BMPR1B: variants seen among roughly 807,000 people sequenced by gnomAD.
BMPR1B encodes bone morphogenetic protein receptor type-1B.
Under a neutral mutation model 59.1 loss-of-function variants are expected in BMPR1B, and 12 were observed. The ratio of observed to expected loss-of-function variants is 0.20; its 90% CI spans 0.13 to 0.33. BMPR1B has a LOEUF of 0.33. BMPR1B is among the 10% of genes least tolerant of loss of function. The pLI is 1.00. For synonymous variants in BMPR1B, 237 were observed against 207.3 expected, an observed-to-expected ratio of 1.14 and a Z score of -1.23; for missense variants, 550 against 610.9, an observed-to-expected ratio of 0.90 and a Z score of 1.05.
In BMPR1B at chr4:95,115,762, T is replaced by C; in HGVS notation, c.324T>C (p.Pro108=). 2 of 1,613,038 alleles carry C rather than the reference T, an allele frequency of 1.2e-6. No individual in the cohort carries two copies. Among genetic ancestry groups the C allele is most frequent in the Non-Finnish European group, 1.7e-6 (2 of 1,179,220 alleles). The stretch of plus-strand genomic sequence containing the variant: ...ACGAATGTAATAAAGACCTACACCC[T>C]ACACTGCCTCCATTGAAAAACAGAG... ...ERNECNKDLH[P]TLPPLKNRDF... Residue 108 remains proline (P), a synonymous_variant, in exon 6 of 13, where the codon CCT becomes CCC. Coordinates refer to ENST00000515059, the MANE Select transcript of BMPR1B (RefSeq NM_001203.3).
intron 6 of BMPR1B, among the ~76,000 whole-genome samples, chr4:95,121,830 T>C (rs1025554236): frequency 5.3e-5 from 8 of 152,198 alleles, no homozygotes; most frequent in Admixed American, 5.2e-4. Context: ...ATGAAAAGAC[T>C]TAAAATATAT....
chr4:95,067,236 G>A (rs1727881935), intron 3 of BMPR1B, among the ~76,000 whole-genome samples: 1 of 152,164 alleles, frequency 6.6e-6, no homozygotes, highest in Non-Finnish European at 1.5e-5. Flanking sequence ...CTTAAGTCCT[G>A]AAGGTATAAT....
At chr4:95,121,709 AT>A (rs895524353) in intron 6 of BMPR1B, among the ~76,000 whole-genome samples, 16 of 147,654 alleles carry the variant, frequency 1.1e-4, no homozygotes, top group Admixed American at 4.0e-4. Flanking sequence ...CTTTTTTCTT[AT>A]TTTTTTTCTG....
At chr4:95,097,856 CT>C (rs370443877) in intron 3 of BMPR1B, among the ~76,000 whole-genome samples, 1 of 152,042 alleles carries the variant, frequency 6.6e-6, no homozygotes, top group East Asian at 1.9e-4. Context: ...TGGTGAAAAA[CT>C]TTTTTGTAGA....
Position 95,057,350 on chromosome 4 carries a change from T to A in BMPR1B, c.-17-47058T>A, listed in dbSNP as rs1047769546. On this transcript the variant is annotated intron_variant, in intron 3 of 12. Coordinates refer to ENST00000515059, the MANE Select transcript of BMPR1B (RefSeq NM_001203.3). ...ACCTCCGCCTCCCGAGTTCAAGTGA[T>A]TCTCCTGCCTCAGCCTCCCGAGTCG... 3.3e-5 allele frequency among the ~76,000 whole-genome samples: 5 copies of A among 152,178 alleles called. No individual in the cohort carries two copies. In the East Asian group the frequency reaches 9.7e-4, roughly 30 times the overall value.
At chr4:94,890,530 A>G (rs879461771) in intron 2 of BMPR1B, among the ~76,000 whole-genome samples, 4 of 152,142 alleles carry the variant, frequency 2.6e-5, no homozygotes, top group Non-Finnish European at 5.9e-5. Context: ...TAAAAGTATA[A>G]AAGTCAATCA....
At chr4:95,068,426 T>G (rs1307387783) in intron 3 of BMPR1B, among the ~76,000 whole-genome samples, 7 of 152,158 alleles carry the variant, frequency 4.6e-5, no homozygotes, top group Non-Finnish European at 1.0e-4. Flanking sequence ...CTGTCAGGGC[T>G]ACAGCCACCA....
intron 2 of BMPR1B, among the ~76,000 whole-genome samples, chr4:94,975,368 T>G (rs1730987208): frequency 7.5e-6 from 1 of 132,864 alleles, no homozygotes; most frequent in Admixed American, 7.2e-5. Context: ...TTTTTGTTTT[T>G]TTTTTTTTTT....
chr4:95,087,207 T>C (rs1284106376), intron 3 of BMPR1B, among the ~76,000 whole-genome samples: 2 of 152,100 alleles, frequency 1.3e-5, no homozygotes, highest in Non-Finnish European at 2.9e-5. Flanking sequence ...TTTGTATTTT[T>C]AGTGGAGACA....
At position 94,948,589 on chromosome 4, in the gene BMPR1B, T is replaced by C. The variant is rs117092615; in HGVS notation, c.-112-47451T>C. Among the ~76,000 whole-genome samples the C allele has an allele frequency of 9.8e-3, 1,492 of 152,256 alleles. 47 individuals are homozygous for C. The highest frequency in any genetic ancestry group is 0.06 in the Admixed American group (925 of 15,294). ...AACATAAAGGATGCGGCATTGTAGC[T>C]CCTGTTTTTGAGGAGGTCAGGTCCT... On this transcript the variant is annotated intron_variant, in intron 2 of 12. Transcript: ENST00000515059.
chr4:94,844,274 T>C (rs1290028561), intron 1 of BMPR1B, among the ~76,000 whole-genome samples: 2 of 24,758 alleles, frequency 8.1e-5, no homozygotes, highest in Non-Finnish European at 7.9e-5. Flanking sequence ...CTAGTTCGAC[T>C]CTTCTTCCTC....
chr4:94,877,922 TTTATATTTCCTGTGTTTGTGTGCATGC>T (rs1726792781), intron 2 of BMPR1B, among the ~76,000 whole-genome samples: 1 of 152,130 alleles, frequency 6.6e-6, no homozygotes, highest in Non-Finnish European at 1.5e-5. Flanking sequence ...TATCAGCACT[TTTATATTTCCTGTGTTTGTGTGCATGC>T]ACATGTGTGC....
chr4:95,098,953 T>G (rs1730629005), intron 3 of BMPR1B, among the ~76,000 whole-genome samples: 1 of 152,124 alleles, frequency 6.6e-6, no homozygotes, highest in Non-Finnish European at 1.5e-5. Flanking sequence ...CCTGACCTCG[T>G]GATCTGCCTG....
chr4:95,082,898 T>C (rs1288014883), intron 3 of BMPR1B, among the ~76,000 whole-genome samples: 5 of 150,482 alleles, frequency 3.3e-5, no homozygotes, highest in Admixed American at 6.6e-5. Context: ...ATTAGCCGGG[T>C]GTGGTGGCGG....
chr4:94,811,366 G>A (rs1469470494), intron 1 of BMPR1B, among the ~76,000 whole-genome samples: 1 of 152,100 alleles, frequency 6.6e-6, no homozygotes, highest in Non-Finnish European at 1.5e-5. Context: ...GGCTCTCATG[G>A]GCCAGGCCTG....
chr4:94,892,616 T>C (rs1445549820), intron 2 of BMPR1B, among the ~76,000 whole-genome samples: 3 of 152,046 alleles, frequency 2.0e-5, no homozygotes, highest in Non-Finnish European at 4.4e-5. Flanking sequence ...AGTAATTCTA[T>C]TGGTATGGAG....
chr4:95,072,217 A>G (rs928938369), intron 3 of BMPR1B, among the ~76,000 whole-genome samples: 7 of 152,184 alleles, frequency 4.6e-5, no homozygotes, highest in African/African-American at 1.7e-4. Flanking sequence ...CTTTCAGCTG[A>G]TTGGATGAGG....
At chr4:94,785,188 C>G (rs1722720142) in intron 1 of BMPR1B, among the ~76,000 whole-genome samples, 1 of 152,180 alleles carries the variant, frequency 6.6e-6, no homozygotes, top group Non-Finnish European at 1.5e-5. Flanking sequence ...TGTTTTCCTT[C>G]CTGTCCTGCC....
chr4:94,946,079 C>G (rs975315295), intron 2 of BMPR1B, among the ~76,000 whole-genome samples: 3 of 152,016 alleles, frequency 2.0e-5, no homozygotes, highest in Non-Finnish European at 4.4e-5. Flanking sequence ...AATTATAAAT[C>G]TAAACTCTTA....
Sources: gnomAD v4.1 joint callset for allele counts (sites outside exome capture counted in the v4.1 genomes callset) on GRCh38, gnomAD v4.1.1 for gene constraint, MANE v1.5 for transcripts, NCBI Gene and HGNC (gene_info 2026-07-23, HGNC 2026-07-21) for gene names.